The following COLEC10 variants were observed in gnomAD, a reference collection of about 807,000 sequenced individuals.
The protein encoded by COLEC10 is collectin-10.
In COLEC10, 22 loss-of-function variants were observed where a neutral mutation model predicts 28.4. That is an observed-to-expected ratio of 0.78 (90% CI 0.55 to 1.11). The LOEUF (loss-of-function observed/expected upper bound fraction) is 1.11. COLEC10 is among the 50% of genes least tolerant of loss of function. COLEC10 has a pLI of 0.00. For missense variants in COLEC10, 361 were observed against 344.1 expected, an observed-to-expected ratio of 1.05 and a Z score of -0.39; for synonymous variants, 125 against 116.1, an observed-to-expected ratio of 1.08 and a Z score of -0.49.
intron 2 of COLEC10, among the ~76,000 whole-genome samples, chr8:119,061,114 A>T (rs953369505): frequency 2.8e-4 from 43 of 152,234 alleles, no homozygotes; most frequent in African/African-American, 9.9e-4. Flanking sequence ...ATAACTATAA[A>T]GGATGTGTGT....
intron 1 of COLEC10, among the ~76,000 whole-genome samples, chr8:118,996,645 C>T (rs1261699681): frequency 2.6e-5 from 4 of 152,162 alleles, no homozygotes; most frequent in South Asian, 4.1e-4. Flanking sequence ...TGTTGGCCAT[C>T]TATCTGTATG....
intron 2 of COLEC10, among the ~76,000 whole-genome samples, chr8:119,015,011 A>G (rs1813965800): frequency 6.6e-6 from 1 of 151,128 alleles, no homozygotes; most frequent in Non-Finnish European, 1.5e-5. Flanking sequence ...CATATTAACC[A>G]TAGTTTTTAT....
At chr8:119,072,838 G>A (rs1815151885) in intron 1 of COLEC10, among the ~76,000 whole-genome samples, 1 of 152,288 alleles carries the variant, frequency 6.6e-6, no homozygotes, top group South Asian at 2.1e-4. Context: ...TATCCTCTGG[G>A]ATAATTCCTT....
chr8:119,029,774 G>T (rs1171538651), intron 2 of COLEC10, among the ~76,000 whole-genome samples: 1 of 152,116 alleles, frequency 6.6e-6, no homozygotes, highest in African/African-American at 2.4e-5. Flanking sequence ...CAAGAATAAA[G>T]AATAAGTATA....
chr8:119,072,920 C>T (rs7001108), intron 1 of COLEC10, among the ~76,000 whole-genome samples: 1 of 152,172 alleles, frequency 6.6e-6, no homozygotes, highest in African/African-American at 2.4e-5. Flanking sequence ...GGACATGGCT[C>T]TGGATCCCAG....
intron 1 of COLEC10, among the ~76,000 whole-genome samples, chr8:119,004,922 C>T (rs1489093922): frequency 2.0e-5 from 3 of 151,972 alleles, no homozygotes; most frequent in Non-Finnish European, 4.4e-5. Context: ...TAAAAATGAT[C>T]CTATTTATTG....
chr8:119,085,353 T>C (rs1405825318), intron 1 of COLEC10, among the ~76,000 whole-genome samples: 1 of 152,170 alleles, frequency 6.6e-6, no homozygotes, highest in African/African-American at 2.4e-5. Flanking sequence ...GAAGTAAAAG[T>C]ACTAGGGAGT....
chr8:118,976,404 T>C, the COLEC10 span: 4 of 152,236 alleles, frequency 2.6e-5, no homozygotes, highest in East Asian at 7.7e-4. Context: ...AGTAGTCTCC[T>C]TGTTTTAAAT....
At chr8:118,985,965 CAACT>C in the COLEC10 span, among the ~76,000 whole-genome samples, 1 of 152,006 alleles carries the variant, frequency 6.6e-6, no homozygotes, top group East Asian at 1.9e-4. Context: ...CCAGAAGAGG[CAACT>C]ACTCCACTAC....
At chr8:119,039,466 G>C (rs1385507) in intron 2 of COLEC10, among the ~76,000 whole-genome samples, 4 of 152,148 alleles carry the variant, frequency 2.6e-5, no homozygotes, top group Non-Finnish European at 5.9e-5. Context: ...TGACAACACT[G>C]TGCCAGTGTT....
At chr8:119,049,401 CTTTTTTTTTTTTTT>C (rs34885340) in intron 2 of COLEC10, among the ~76,000 whole-genome samples, 10 of 60,072 alleles carry the variant, frequency 1.7e-4, no homozygotes, top group Admixed American at 9.5e-4. Flanking sequence ...ATTTTCTTTT[CTTTTTTTTTTTTTT>C]TTTTTTTTTT....
chr8:118,976,793 A>G, the COLEC10 span, among the ~76,000 whole-genome samples: 1 of 152,138 alleles, frequency 6.6e-6, no homozygotes, highest in Admixed American at 6.6e-5. Flanking sequence ...AAAAGAAACT[A>G]CCATCAGAGT....
intron 1 of COLEC10, among the ~76,000 whole-genome samples, chr8:119,069,262 A>G (rs1815039098): frequency 6.6e-6 from 1 of 151,926 alleles, no homozygotes; most frequent in South Asian, 2.1e-4. Flanking sequence ...ACCATGCTAG[A>G]TGATATGGGT....
At chr8:119,089,405 A>G (rs547973068) in intron 1 of COLEC10, among the ~76,000 whole-genome samples, 10 of 152,290 alleles carry the variant, frequency 6.6e-5, no homozygotes, top group African/African-American at 2.4e-4. Context: ...TACAGCAAGA[A>G]TAAAGATTTG....
intron 2 of COLEC10, among the ~76,000 whole-genome samples, chr8:119,020,820 T>C (rs1814077072): frequency 6.6e-6 from 1 of 152,168 alleles, no homozygotes; most frequent in African/African-American, 2.4e-5. Flanking sequence ...GCCTAGTTCT[T>C]CTTAAGAAAA....
intron 2 of COLEC10, among the ~76,000 whole-genome samples, chr8:119,053,936 T>G (rs1814721886): frequency 6.6e-6 from 1 of 152,052 alleles, no homozygotes; most frequent in African/African-American, 2.4e-5. Flanking sequence ...ATTTATAAAT[T>G]AGGCACAGTA....
chr8:119,060,758 C>T (rs1455419484), intron 2 of COLEC10, among the ~76,000 whole-genome samples: 1 of 152,104 alleles, frequency 6.6e-6, no homozygotes, highest in Non-Finnish European at 1.5e-5. Context: ...TACCTCTTTG[C>T]CCTATAATAC....
Position 119,103,825 on chromosome 8 carries a change from C to A in COLEC10, c.372C>A (p.Tyr124Ter). ...GTACTGTCTGTGATTGTGGAAGATA[C>A]CGGAAATTTGTTGGACAACTGGATA... ...KAGTVCDCGR[Y>*]RKFVGQLDIS... The change falls in exon 5 of 6, where the codon TAC becomes TAA. Residue 124 changes from tyrosine (Y) to a stop codon, truncating the protein, a stop_gained. Transcript: ENST00000332843. LOFTEE classifies it high-confidence loss of function. 3 of 1,612,242 alleles carry A rather than the reference C, an allele frequency of 1.9e-6. No homozygotes were observed. The highest frequency in any genetic ancestry group is 2.5e-6 in the Non-Finnish European group (3 of 1,178,624).
chr8:118,978,611 A>G, the COLEC10 span, among the ~76,000 whole-genome samples: 5 of 152,164 alleles, frequency 3.3e-5, no homozygotes, highest in South Asian at 8.3e-4. Flanking sequence ...ATATTACTGT[A>G]ATTTATTTAT....
Sources: allele counts gnomAD v4.1 joint callset (sites outside exome capture counted in the v4.1 genomes callset), GRCh38; gene constraint gnomAD v4.1.1; transcripts MANE v1.5; gene names NCBI Gene and HGNC (gene_info 2026-07-23, HGNC 2026-07-21).